The following SHANK2 variants were observed in gnomAD, a reference collection of about 807,000 sequenced individuals.
SHANK2 encodes the protein SH3 and multiple ankyrin repeat domains 2, also known as SH3 and multiple ankyrin repeat domains protein 2.
Under a neutral mutation model 133.7 loss-of-function variants are expected in SHANK2, and 43 were observed. The observed-to-expected ratio is 0.32, with a 90% CI of 0.25 to 0.41. SHANK2 has a LOEUF of 0.41. SHANK2 is among the 10% of genes least tolerant of loss of function. SHANK2 has a pLI of 1.00. For missense variants in SHANK2, 1,994 were observed against 2,235.8 expected, an observed-to-expected ratio of 0.89 and a Z score of 2.18; for synonymous variants, 1,017 against 952.8, an observed-to-expected ratio of 1.07 and a Z score of -1.24.
intron 9 of SHANK2, among the ~76,000 whole-genome samples, chr11:71,065,988 A>AG (rs1765358599): frequency 7.0e-4 from 4 of 5,676 alleles, no homozygotes; most frequent in East Asian, 0.01. Flanking sequence ...GGAAGTTGGG[A>AG]GGGGAGTACA....
intron 14 of SHANK2, among the ~76,000 whole-genome samples, chr11:70,792,034 T>A (rs1305800162): frequency 3.3e-5 from 5 of 152,214 alleles, no homozygotes; most frequent in African/African-American, 1.2e-4. Flanking sequence ...AAACTATTCA[T>A]GGAACTAAGC....
At chr11:70,864,978 A>G (rs1157785276) in intron 11 of SHANK2, 1 of 152,322 alleles carries the variant, frequency 6.6e-6, no homozygotes, top group Non-Finnish European at 1.5e-5. Flanking sequence ...GTGAGCCATG[A>G]TTGCACCACT....
intron 25 of SHANK2, among the ~76,000 whole-genome samples, chr11:70,481,347 G>A (rs2058730792): frequency 2.6e-5 from 4 of 152,130 alleles, no homozygotes; most frequent in Admixed American, 1.3e-4. Flanking sequence ...ACTCATTCAC[G>A]GCTAAAGTTA....
intron 13 of SHANK2, among the ~76,000 whole-genome samples, chr11:70,802,587 G>A (rs1482004389): frequency 6.6e-6 from 1 of 152,188 alleles, no homozygotes; most frequent in Non-Finnish European, 1.5e-5. Flanking sequence ...CATGCATGGT[G>A]TTCTTGAATC....
intron 10 of SHANK2, among the ~76,000 whole-genome samples, chr11:70,909,584 C>T (rs1297956451): frequency 2.6e-5 from 4 of 152,252 alleles, no homozygotes; most frequent in South Asian, 2.1e-4. Context: ...CAACAGGTTT[C>T]GAGAGCTCAA....
At chr11:70,502,321 A>C (rs2059066567) in intron 18 of SHANK2, 35 bp from the exon 19 acceptor site, 1 of 1,538,532 alleles carries the variant, frequency 6.5e-7, no homozygotes, top group South Asian at 1.2e-5. Flanking sequence ...GTGAGACCCC[A>C]GCCCATGTTT....
At chr11:71,085,587 T>G (rs1179385202) in intron 8 of SHANK2, among the ~76,000 whole-genome samples, 1 of 30,578 alleles carries the variant, frequency 3.3e-5, no homozygotes, top group Non-Finnish European at 6.5e-5. Context: ...ATATAATATA[T>G]TATATAATAT....
intron 14 of SHANK2, among the ~76,000 whole-genome samples, chr11:70,735,661 G>A (rs1191457371): frequency 3.3e-5 from 5 of 150,128 alleles, no homozygotes; most frequent in African/African-American, 1.2e-4. Context: ...CTGAGATCGT[G>A]CCATTGCATT....
intron 17 of SHANK2, among the ~76,000 whole-genome samples, chr11:70,552,835 A>C (rs2136090498): frequency 6.6e-6 from 1 of 152,178 alleles, no homozygotes; most frequent in East Asian, 1.9e-4. Flanking sequence ...CCAGTTCCGG[A>C]AGCCTCTAGT....
At position 70,569,280 on chromosome 11, in the gene SHANK2, C is replaced by T. The variant is rs369203896; in HGVS notation, c.2062-66349G>A. 1.6e-4 allele frequency among the ~76,000 whole-genome samples: 24 copies of T among 152,320 alleles called. No individual in the cohort carries two copies. In the South Asian group the frequency reaches 3.3e-3, roughly 21 times the overall value. On this transcript the variant is annotated intron_variant, in intron 17 of 25. Transcript: ENST00000601538. The surrounding 1 kb of genome is among the most constrained non-coding windows in gnomAD (Gnocchi z 5.1). ...GGGGAGGCTGGTGGCTAAGCCATGC[C>T]GCTGGGGTCCTGGGGGGTCAGGCTC... is the stretch of plus-strand genomic sequence containing the variant.
intron 17 of SHANK2, among the ~76,000 whole-genome samples, chr11:70,587,035 G>C (rs1644992711): frequency 6.6e-6 from 1 of 152,198 alleles, no homozygotes; most frequent in African/African-American, 2.4e-5. Context: ...ACACATGCCA[G>C]TGCTCTTGTT....
At position 70,615,593 on chromosome 11, in the gene SHANK2, G is replaced by C. The variant is rs547902779; in HGVS notation, c.2061+44235C>G. ...CGGTCAGCTTTCCTGAGCCTTACAG[G>C]CTGGCTCGGCCGAATCCCAGGCTTC... is the stretch of plus-strand genomic sequence containing the variant. On this transcript the variant is annotated intron_variant, in intron 17 of 25. Transcript: ENST00000601538. 3.3e-5 allele frequency among the ~76,000 whole-genome samples: 5 copies of C among 152,222 alleles called. No homozygotes were observed. In the South Asian group the frequency reaches 6.2e-4, roughly 19 times the overall value.
intron 17 of SHANK2, among the ~76,000 whole-genome samples, chr11:70,622,661 T>C (rs990083578): frequency 2.6e-5 from 4 of 152,170 alleles, no homozygotes; most frequent in African/African-American, 4.8e-5. Context: ...GATCTCAAGA[T>C]CTCATCTCAA....
At chr11:70,483,189 T>C (rs2058758378) in intron 25 of SHANK2, among the ~76,000 whole-genome samples, 1 of 152,222 alleles carries the variant, frequency 6.6e-6, no homozygotes, top group Non-Finnish European at 1.5e-5. Context: ...CTCTGCCTCC[T>C]GCTGGCTGTG....
At chr11:71,079,722 T>G (rs1005781834) in intron 8 of SHANK2, among the ~76,000 whole-genome samples, 106,606 of 148,180 alleles carry the variant, frequency 0.72, 38,992 homozygotes, top group Middle Eastern at 0.81. Context: ...ATCACGCCAC[T>G]GCACTCCAGC....
intron 17 of SHANK2, among the ~76,000 whole-genome samples, chr11:70,584,740 C>T (rs1212379256): frequency 1.3e-5 from 2 of 152,344 alleles, no homozygotes; most frequent in East Asian, 3.9e-4. Flanking sequence ...ATGGCCTCCC[C>T]TACCTCCTGG....
In SHANK2 at chr11:70,820,277, C is replaced by A. The variant is rs76618719; in HGVS notation, c.1493+87G>T. 276 of 582,638 alleles carry A rather than the reference C, an allele frequency of 4.7e-4. 1 individual carries two copies. In the African/African-American group the frequency reaches 5.1e-3, roughly 11 times the overall value. 36.1% of individuals were successfully genotyped at this position (582,638 alleles called of 1,614,324 possible). A position where few individuals can be genotyped will look rare whatever the true frequency, so the allele number is the denominator to read the frequency against. On this transcript the variant is annotated intron_variant, in intron 12 of 25. Transcript: ENST00000601538. Reference sequence around the variant, plus strand: ...GGGTTGGAATAAAATGGGCTTCCTGCTCAACTTCTGGGCCACCCCAAGTTG... The same window carrying A: ...GGGTTGGAATAAAATGGGCTTCCTGATCAACTTCTGGGCCACCCCAAGTTG...
chr11:71,094,669 G>A lies in SHANK2; in HGVS notation c.612C>T (p.Ala204=), dbSNP rs187315247. ...PETGETPLTL[A]AQLDDSVEVI... The stretch of plus-strand genomic sequence containing the variant: ...CCTCCACAGAGTCGTCCAGCTGAGC[G>A]GCTAAGGTCAGGGGGGTCTCTGAGG... The change falls in exon 7 of 26, where the codon GCC becomes GCT. Residue 204 remains alanine, a synonymous_variant. Coordinates refer to ENST00000601538, the MANE Select transcript of SHANK2 (RefSeq NM_012309.5). 6.0e-4 allele frequency: 926 copies of A among 1,551,828 alleles called. 3 individuals carry two copies. The highest frequency in any genetic ancestry group is 7.4e-4 in the Non-Finnish European group (851 of 1,146,984).
intron 2 of SHANK2, among the ~76,000 whole-genome samples, chr11:71,208,572 A>C (rs1954181084): frequency 6.6e-6 from 1 of 152,092 alleles, no homozygotes; most frequent in African/African-American, 2.4e-5. Flanking sequence ...GGTGGGTATA[A>C]AACAGCCCTG....
Sources: allele counts gnomAD v4.1 joint callset (sites outside exome capture counted in the v4.1 genomes callset), GRCh38; gene constraint gnomAD v4.1.1; non-coding constraint Gnocchi (gnomAD v3.1); transcripts MANE v1.5; gene names NCBI Gene and HGNC (gene_info 2026-07-23, HGNC 2026-07-21).